The following FYCO1 variants were observed in gnomAD, a reference collection of about 807,000 sequenced individuals.
FYCO1 encodes the protein FYVE and coiled-coil domain autophagy adaptor 1, also known as FYVE and coiled-coil domain-containing protein 1.
A neutral mutation model predicts 165.1 loss-of-function variants in FYCO1; 122 were observed. The observed-to-expected ratio is 0.74, with a 90% CI of 0.64 to 0.86. The LOEUF (loss-of-function observed/expected upper bound fraction) is 0.86, where lower values mean the gene tolerates loss of function less well. FYCO1 is among the 40% of genes least tolerant of loss of function. The probability of loss-of-function intolerance (pLI) is 0.00; values close to 1 mark genes in which losing one functional copy is unlikely to be tolerated. For synonymous variants in FYCO1, 648 were observed against 742.5 expected (o/e 0.87, Z 2.07); for missense variants, 1,702 against 1,810.3 (o/e 0.94, Z 1.09).
At chr3:45,965,183 C>T (rs992136906) in intron 8 of FYCO1, 58 bp from the exon 9 acceptor site, 43 of 1,311,226 alleles carry the variant, frequency 3.3e-5, no homozygotes, top group Non-Finnish European at 4.7e-5. Context: ...CTGAGGATCC[C>T]TCAGCCCCCT....
intron 6 of FYCO1, among the ~76,000 whole-genome samples, chr3:45,971,330 A>C (rs900323568): frequency 2.0e-5 from 3 of 152,234 alleles, no homozygotes; most frequent in Non-Finnish European, 4.4e-5. Context: ...TATGGTAATA[A>C]CTGCTTCAGG....
Position 45,964,143 on chromosome 3 carries a change from G to A in FYCO1, c.3269+193C>T, listed in dbSNP as rs1414167405. The stretch of plus-strand genomic sequence containing the variant: ...GAGTTAGGAGAAAGGTGCTTTAGCC[G>A]TGTATAGGTTGTGATGGGCAGGCAA... On this transcript the variant is annotated intron_variant, in intron 10 of 17. Transcript: ENST00000296137. The surrounding 1 kb of genome is among the most constrained non-coding windows in gnomAD (Gnocchi z 4.1). Among the ~76,000 whole-genome samples the A allele has an allele frequency of 6.6e-6, 1 of 152,150 alleles. No individual in the cohort carries two copies. The highest frequency in any genetic ancestry group is 1.5e-5 in the Non-Finnish European group (1 of 68,038).
chr3:45,923,722 A>C lies in FYCO1; in HGVS notation c.4295T>G (p.Ile1432Ser). 1.2e-6 allele frequency: 2 copies of C among 1,614,116 alleles called. No individual in the cohort carries two copies. The highest frequency in any genetic ancestry group is 1.7e-6 in the Non-Finnish European group (2 of 1,180,014). Residue 1432 changes from isoleucine to serine, a missense_variant, in exon 17 of 18, where the codon ATC becomes AGC. Ile to Ser is a moderately radical substitution (Grantham distance 142). Transcript: ENST00000296137. ...TTRCNSHKEN[I>S]QGQLKVRTPG... is the part of the protein sequence containing the mutation. ...TGTGCGAACCTTGAGCTGGCCCTGGATGTTCTCCTTGTGGGAGTTGCATCG... is the reference window on the plus strand; with the variant it reads ...TGTGCGAACCTTGAGCTGGCCCTGGCTGTTCTCCTTGTGGGAGTTGCATCG...
Position 45,958,536 on chromosome 3 carries a change from C to A in FYCO1, c.3671G>T (p.Arg1224Leu), listed in dbSNP as rs575141874. 1.2e-6 allele frequency: 2 copies of A among 1,614,058 alleles called. No individual in the cohort carries two copies. Among genetic ancestry groups the A allele is most frequent in the Admixed American group, 1.7e-5 (1 of 59,994 alleles). The change falls in exon 13 of 18, where the codon CGA becomes CTA. Residue 1224 changes from arginine (R) to leucine (L), a missense_variant. Physicochemically the swap from Arg to Leu is moderately radical, Grantham distance 102. Coordinates refer to ENST00000296137, the MANE Select transcript of FYCO1 (RefSeq NM_024513.4). ...KHGGKKERCCRACFQKLSEGP... is the reference protein window; with the variant it reads ...KHGGKKERCCLACFQKLSEGP... The stretch of plus-strand genomic sequence containing the variant: ...TTCACTGAGCTTCTGGAAACAGGCT[C>A]GGCAGCAGCGCTCCTTTTTGCCACC...
In FYCO1 at chr3:45,931,201, T is replaced by C; in HGVS notation, c.4121A>G (p.Tyr1374Cys). Residue 1374 changes from tyrosine (Y) to cysteine (C), a missense_variant, in exon 16 of 18, where the codon TAC becomes TGC. Tyr to Cys is a radical substitution (Grantham distance 194). Transcript: ENST00000296137. ...GGCCACAGTGATGGGGATCAGGCTG[T>C]AGGTGCTGGACCTCACAAACAGCTC... is the stretch of plus-strand genomic sequence containing the variant. ...SRELFVRSST[Y>C]SLIPITVAEA... 6.2e-7 allele frequency: 1 copy of C among 1,614,084 alleles called. No individual in the cohort carries two copies. Among genetic ancestry groups the C allele is most frequent in the Non-Finnish European group, 8.5e-7 (1 of 1,179,964 alleles).
intron 8 of FYCO1, among the ~76,000 whole-genome samples, chr3:45,965,519 C>T (rs916615047): frequency 6.6e-6 from 1 of 152,162 alleles, no homozygotes; most frequent in South Asian, 2.1e-4. Context: ...GAAACCAAAG[C>T]CCCAGGCCAT....
Position 45,921,844 on chromosome 3 carries a change from A to G in FYCO1, c.4362-4T>C. On this transcript the variant is annotated splice_polypyrimidine_tract_variant and splice_region_variant and intron_variant, in intron 17 of 17. Coordinates refer to ENST00000296137, the MANE Select transcript of FYCO1 (RefSeq NM_024513.4). ...AAATACCTTTTTAGAGACAAACCTGAGGAAACAGAAATGGAAAGGGAGGGT... is the reference window on the plus strand; with the variant it reads ...AAATACCTTTTTAGAGACAAACCTGGGGAAACAGAAATGGAAAGGGAGGGT... The G allele has an allele frequency of 6.2e-7, 1 of 1,602,194 alleles. No homozygotes were observed. Among genetic ancestry groups the G allele is most frequent in the Non-Finnish European group, 8.6e-7 (1 of 1,169,212 alleles).
At position 45,959,536 on chromosome 3, in the gene FYCO1, C is replaced by T. The variant is rs771721086; in HGVS notation, c.3444G>A (p.Lys1148=). The T allele has an allele frequency of 2.5e-6, 4 of 1,614,096 alleles. No homozygotes were observed. The Admixed American group carries it at 6.7e-5, about 27-fold the overall frequency. ...EERLIELLRD[K]DALWQKSDAL... is the part of the protein sequence containing the mutation. ...CATCTGACTTCTGCCAGAGAGCATC[C>T]TTGTCCCTGGGACAAAACCACATTG... The change falls in exon 12 of 18, where the codon AAG becomes AAA. Residue 1148 remains lysine, a synonymous_variant. Coordinates refer to ENST00000296137, the MANE Select transcript of FYCO1 (RefSeq NM_024513.4).
At chr3:45,935,407 G>A (rs1377157979) in intron 15 of FYCO1, among the ~76,000 whole-genome samples, 2 of 152,190 alleles carry the variant, frequency 1.3e-5, no homozygotes, top group Non-Finnish European at 2.9e-5. Flanking sequence ...TGGCCAACAA[G>A]GCCCTATGTG....
chr3:45,979,535 C>A (rs1706939720), intron 4 of FYCO1, among the ~76,000 whole-genome samples, 170 bp downstream of exon 4: 1 of 152,190 alleles, frequency 6.6e-6, no homozygotes, highest in African/African-American at 2.4e-5. Context: ...GTGGTTTCCC[C>A]AACCTTGAGC....
At chr3:45,923,552 A>G in intron 17 of FYCO1, 104 bp downstream of exon 17, 1 of 783,358 alleles carries the variant, frequency 1.3e-6, no homozygotes, top group Non-Finnish European at 2.3e-6. Flanking sequence ...ACAATTAATA[A>G]TAAGTTACTG....
chr3:45,918,482 C>T lies in FYCO1; in HGVS notation c.*3283G>A, dbSNP rs886058551. 1 of 146,492 alleles carries T rather than the reference C, an allele frequency of 6.8e-6. No individual in the cohort carries two copies. Among genetic ancestry groups the T allele is most frequent in the Non-Finnish European group, 1.5e-5 (1 of 67,548 alleles). 9.1% of individuals were successfully genotyped at this position (146,492 alleles called of 1,614,324 possible). A position where few individuals can be genotyped will look rare whatever the true frequency, so the allele number is the denominator to read the frequency against. ...GTACATGACCATCCTTGGTTCTAAG[C>T]ATCACGAATGGCTTCTCTCTGCTTT... On this transcript the variant is annotated 3_prime_UTR_variant, in exon 18 of 18. Transcript: ENST00000296137.
In FYCO1 at chr3:45,973,235, C is replaced by T; in HGVS notation, c.396-4G>A. 2 of 1,613,832 alleles carry T rather than the reference C, an allele frequency of 1.2e-6. No homozygotes were observed. Among genetic ancestry groups the T allele is most frequent in the South Asian group, 1.1e-5 (1 of 91,076 alleles). ...GCTTCTTGCATAGTACCAGTCACTG[C>T]AGAAAAACATGTCAATTATAAGAGT... On this transcript the variant is annotated splice_polypyrimidine_tract_variant and splice_region_variant and intron_variant, in intron 5 of 17. Coordinates refer to ENST00000296137, the MANE Select transcript of FYCO1 (RefSeq NM_024513.4).
At chr3:45,922,659 G>A (rs1441549501) in intron 17 of FYCO1, among the ~76,000 whole-genome samples, 5 of 152,124 alleles carry the variant, frequency 3.3e-5, no homozygotes, top group Admixed American at 6.5e-5. Flanking sequence ...GGGAGTGTAC[G>A]GAGGGGCAGG....
At position 45,979,725 on chromosome 3, in the gene FYCO1, A is replaced by AT; in HGVS notation, c.267_268insA (p.Phe90IlefsTer44). The AT allele has an allele frequency of 1.2e-6, 2 of 1,614,040 alleles. No homozygotes were observed. The highest frequency in any genetic ancestry group is 2.2e-5 in the South Asian group (2 of 91,082). ...CTTACCTCTGAGATAGACTTGACAA[A>AT]GCGGATCCCATCATTGGCTCCTTTC... On this transcript the variant is annotated frameshift_variant, in exon 4 of 18. Coordinates refer to ENST00000296137, the MANE Select transcript of FYCO1 (RefSeq NM_024513.4). LOFTEE classifies it high-confidence loss of function.
rs925652438 is a variant in FYCO1, at chr3:45,984,446, A to G, written c.55+410T>C. ...CAGGACCCAGTTGGGCAGCAAAACA[A>G]GATAGGTGGGTCTCTGTCCTTCCTG... is the stretch of plus-strand genomic sequence containing the variant. On this transcript the variant is annotated intron_variant, in intron 2 of 17. Coordinates refer to ENST00000296137, the MANE Select transcript of FYCO1 (RefSeq NM_024513.4). The G allele has an allele frequency of 1.1e-4, 40 of 352,742 alleles. No homozygotes were observed. The East Asian group carries it at 1.2e-3, about 10-fold the overall frequency. 21.9% of individuals were successfully genotyped at this position (352,742 alleles called of 1,614,324 possible). A position where few individuals can be genotyped will look rare whatever the true frequency, so the allele number is the denominator to read the frequency against.
intron 14 of FYCO1, among the ~76,000 whole-genome samples, chr3:45,949,495 G>T (rs1228278795): frequency 6.6e-6 from 1 of 152,186 alleles, no homozygotes; most frequent in African/African-American, 2.4e-5. Context: ...AAGGTGTGAT[G>T]AGAATGCAGG....
chr3:45,931,270 G>A lies in FYCO1; in HGVS notation c.4052C>T (p.Pro1351Leu), dbSNP rs1270939328. Reference sequence around the variant, plus strand: ...GCTGGCGATCTCATCCACTGTGAGGGGTACTTTGATCCTAAAATAAAAATA... The same window carrying A: ...GCTGGCGATCTCATCCACTGTGAGGAGTACTTTGATCCTAAAATAAAAATA... ...LKSGELMIKV[P>L]LTVDEIASFG... The change falls in exon 16 of 18, where the codon CCC becomes CTC. Residue 1351 changes from proline (P) to leucine (L), a missense_variant. Coordinates refer to ENST00000296137, the MANE Select transcript of FYCO1 (RefSeq NM_024513.4). 7 of 1,613,516 alleles carry A rather than the reference G, an allele frequency of 4.3e-6. No homozygotes were observed. Among genetic ancestry groups the A allele is most frequent in the African/African-American group, 1.3e-5 (1 of 74,906 alleles).
rs892577049 is a variant in FYCO1, at chr3:45,921,988, G to T, written c.4362-148C>A. ...CCATGCCCCATTTCCTGTCTGTCTA[G>T]TGGAGTTCTCTCCCTGGGAGGGTCA... On this transcript the variant is annotated intron_variant, in intron 17 of 17. Transcript: ENST00000296137. 5.4e-5 allele frequency: 38 copies of T among 700,030 alleles called. No individual in the cohort carries two copies. The South Asian group carries it at 5.6e-4, about 10-fold the overall frequency. 43.4% of individuals were successfully genotyped at this position (700,030 alleles called of 1,614,324 possible).
Sources: allele counts gnomAD v4.1 joint callset (sites outside exome capture counted in the v4.1 genomes callset), GRCh38; gene constraint gnomAD v4.1.1; non-coding constraint Gnocchi (gnomAD v3.1); transcripts MANE v1.5; gene names NCBI Gene and HGNC (gene_info 2026-07-23, HGNC 2026-07-21).